DPYD: variants seen among roughly 807,000 people sequenced by gnomAD.
DPYD encodes the protein dihydropyrimidine dehydrogenase.
DPYD carries 109 observed loss-of-function variants against 116.2 expected under a neutral mutation model. The ratio of observed to expected loss-of-function variants is 0.94; its 90% CI spans 0.80 to 1.10. The LOEUF is 1.10. Ranked by LOEUF, DPYD falls within the 50% of genes least tolerant of loss-of-function variation. The pLI is 0.00. For synonymous variants in DPYD, 440 were observed against 432.0 expected, an observed-to-expected ratio of 1.02 and a Z score of -0.23; for missense variants, 1,302 against 1,254.5, an observed-to-expected ratio of 1.04 and a Z score of -0.57.
In DPYD at chr1:97,234,843, A is replaced by C. The variant is rs1661800062; in HGVS notation, c.2442+9T>G. 2 of 1,613,726 alleles carry C rather than the reference A, an allele frequency of 1.2e-6. No homozygotes were observed. The highest frequency in any genetic ancestry group is 2.2e-5 in the South Asian group (2 of 91,030). Reference sequence around the variant, plus strand: ...ATTTTTAAAAGGGACAGACAAACACAATGACTACCTGGAGGACGGAAGCAC... The same window carrying C: ...ATTTTTAAAAGGGACAGACAAACACCATGACTACCTGGAGGACGGAAGCAC... On this transcript the variant is annotated intron_variant, in intron 19 of 22. Coordinates refer to ENST00000370192, the MANE Select transcript of DPYD (RefSeq NM_000110.4).
chr1:97,630,680 A>C (rs1657204648), intron 8 of DPYD, among the ~76,000 whole-genome samples: 1 of 152,124 alleles, frequency 6.6e-6, no homozygotes, highest in South Asian at 2.1e-4. Context: ...TTGCTACCAG[A>C]AACTTTTCCC....
intron 3 of DPYD, among the ~76,000 whole-genome samples, chr1:97,826,115 C>A (rs1179527856): frequency 6.6e-6 from 1 of 152,048 alleles, no homozygotes; most frequent in Non-Finnish European, 1.5e-5. Context: ...CTTAAATTAT[C>A]CAGACTACTG....
chr1:97,707,653 C>G (rs1368145113), intron 5 of DPYD, among the ~76,000 whole-genome samples: 1 of 151,910 alleles, frequency 6.6e-6, no homozygotes, highest in Non-Finnish European at 1.5e-5. Context: ...TGTTTATAAG[C>G]CATCCAGTTT....
intron 16 of DPYD, among the ~76,000 whole-genome samples, chr1:97,315,823 A>T (rs934798653): frequency 6.6e-6 from 1 of 151,926 alleles, no homozygotes; most frequent in Non-Finnish European, 1.5e-5. Flanking sequence ...AATAGCCAAT[A>T]TATGCTCAGG....
At chr1:97,415,651 C>T (rs1674251420) in intron 14 of DPYD, among the ~76,000 whole-genome samples, 1 of 152,152 alleles carries the variant, frequency 6.6e-6, no homozygotes, top group Non-Finnish European at 1.5e-5. Context: ...AAATACTATG[C>T]TTCCTGAGTT....
chr1:97,375,010 C>G (rs1671531290), intron 15 of DPYD, among the ~76,000 whole-genome samples: 2 of 126,558 alleles, frequency 1.6e-5, no homozygotes, highest in African/African-American at 6.1e-5. Flanking sequence ...GCCTGGGTGA[C>G]ACAGCGAGAC....
intron 13 of DPYD, among the ~76,000 whole-genome samples, chr1:97,464,228 G>A (rs1677177916): frequency 1.6e-5 from 2 of 126,866 alleles, no homozygotes; most frequent in South Asian, 4.7e-4. Context: ...AACAGAGCAA[G>A]ACTCTGTCTC....
intron 14 of DPYD, among the ~76,000 whole-genome samples, chr1:97,387,636 TC>T (rs2101588603): frequency 1.3e-5 from 2 of 152,102 alleles, no homozygotes; most frequent in South Asian, 4.1e-4. Flanking sequence ...AGTAAAAAGC[TC>T]CCTGAGTTGA....
chr1:97,488,364 G>A (rs1238836334), intron 13 of DPYD, among the ~76,000 whole-genome samples: 2 of 152,094 alleles, frequency 1.3e-5, no homozygotes, highest in Non-Finnish European at 2.9e-5. Flanking sequence ...TATCTTGGCT[G>A]TGGTGGTAAA....
At chr1:97,380,073 C>T (rs1038697210) in intron 15 of DPYD, among the ~76,000 whole-genome samples, 5 of 152,250 alleles carry the variant, frequency 3.3e-5, no homozygotes, top group East Asian at 3.9e-4. Flanking sequence ...AACTTTTACT[C>T]GGGCTCTATT....
chr1:97,274,607 C>G (rs1467093286), intron 18 of DPYD, among the ~76,000 whole-genome samples: 1 of 152,126 alleles, frequency 6.6e-6, no homozygotes, highest in African/African-American at 2.4e-5. Flanking sequence ...ATAATATGAA[C>G]CAAAGTACAA....
intron 13 of DPYD, among the ~76,000 whole-genome samples, chr1:97,507,176 G>A (rs531546766): frequency 2.4e-4 from 37 of 151,962 alleles, no homozygotes; most frequent in Non-Finnish European, 4.9e-4. Context: ...TGGAGGATGA[G>A]TTGATTTTAT....
chr1:97,227,327 A>G (rs1570712974), intron 19 of DPYD, among the ~76,000 whole-genome samples: 3 of 87,794 alleles, frequency 3.4e-5, no homozygotes, highest in Middle Eastern at 5.3e-3. Context: ...GTGAGACTCT[A>G]TCTCAAAAAA....
chr1:97,667,601 T>A (rs1659636287), intron 8 of DPYD, among the ~76,000 whole-genome samples: 1 of 152,090 alleles, frequency 6.6e-6, no homozygotes, highest in Non-Finnish European at 1.5e-5. Flanking sequence ...AACTGGAACT[T>A]TTTTTCACTG....
At chr1:97,702,587 C>T (rs1206942983) in intron 5 of DPYD, among the ~76,000 whole-genome samples, 2 of 151,706 alleles carry the variant, frequency 1.3e-5, no homozygotes, top group African/African-American at 2.4e-5. Flanking sequence ...ACAATGGAAG[C>T]AGATTTAAAT....
intron 14 of DPYD, among the ~76,000 whole-genome samples, chr1:97,387,452 AC>A (rs1672416888): frequency 6.6e-6 from 1 of 152,128 alleles, no homozygotes; most frequent in African/African-American, 2.4e-5. Flanking sequence ...CCTGAAGCTT[AC>A]ATTTTAGGGA....
chr1:97,288,488 C>T (rs1227369782), intron 18 of DPYD, among the ~76,000 whole-genome samples: 1 of 152,120 alleles, frequency 6.6e-6, no homozygotes, highest in African/African-American at 2.4e-5. Context: ...CAAACTGTCT[C>T]TCAGACAACA....
chr1:97,332,244 G>C (rs567818406), intron 16 of DPYD, among the ~76,000 whole-genome samples: 46 of 152,218 alleles, frequency 3.0e-4, no homozygotes, highest in Non-Finnish European at 5.4e-4. Context: ...AGCTAGTTCT[G>C]CTTCTGTTTT....
chr1:97,595,839 A>T (rs1267016256), intron 8 of DPYD, among the ~76,000 whole-genome samples: 1 of 151,920 alleles, frequency 6.6e-6, no homozygotes, highest in Non-Finnish European at 1.5e-5. Flanking sequence ...CACTAAAAAT[A>T]TTAACTCCAT....
Sources: gnomAD v4.1 joint callset for allele counts (sites outside exome capture counted in the v4.1 genomes callset) on GRCh38, gnomAD v4.1.1 for gene constraint, MANE v1.5 for transcripts, NCBI Gene and HGNC (gene_info 2026-07-23, HGNC 2026-07-21) for gene names.